BEST3: variants seen among roughly 807,000 people sequenced by gnomAD.
The protein encoded by BEST3 is bestrophin-3.
In BEST3, 50 loss-of-function variants were observed where a neutral mutation model predicts 47.1. The observed-to-expected ratio is 1.06, with a 90% CI of 0.85 to 1.34. BEST3 has a LOEUF of 1.34. Among genes scored for constraint, BEST3 ranks in the 40% most tolerant of loss-of-function variants. The probability of loss-of-function intolerance (pLI) is 0.00; values close to 1 mark genes in which losing one functional copy is unlikely to be tolerated. For synonymous variants in BEST3, 282 were observed against 298.8 expected (o/e 0.94, Z 0.58); for missense variants, 765 against 817.0 (o/e 0.94, Z 0.78).
chr12:69,662,567 T>C (rs1220615501), intron 9 of BEST3, among the ~76,000 whole-genome samples: 2 of 152,222 alleles, frequency 1.3e-5, no homozygotes, highest in Non-Finnish European at 2.9e-5. Flanking sequence ...AAAATCATGT[T>C]ACATATTCGT....
At chr12:69,673,045 C>T in intron 7 of BEST3, 80 bp from the exon 8 acceptor site, 2 of 1,094,936 alleles carry the variant, frequency 1.8e-6, no homozygotes, top group South Asian at 1.4e-5. Context: ...TTCCTGTTTT[C>T]CTCTCTGCTT....
At chr12:69,675,269 G>A (rs7136761) in intron 7 of BEST3, among the ~76,000 whole-genome samples, 2,905 of 152,040 alleles carry the variant, frequency 0.019, 45 homozygotes, top group South Asian at 0.052. Context: ...GCAGGCATGC[G>A]CCACCATGCC....
Position 69,654,734 on chromosome 12 carries a change from G to T in BEST3, c.*173C>A. On this transcript the variant is annotated 3_prime_UTR_variant, in exon 10 of 10. Coordinates refer to ENST00000330891, the MANE Select transcript of BEST3 (RefSeq NM_032735.3). ...ATGACGTGAATGCGTTTGATTTTTCGCAGCTCTCAAAAAGTCAGGATCATA... is the reference window on the plus strand; with the variant it reads ...ATGACGTGAATGCGTTTGATTTTTCTCAGCTCTCAAAAAGTCAGGATCATA... 1 of 1,341,780 alleles carries T rather than the reference G, an allele frequency of 7.5e-7. No homozygotes were observed. Among genetic ancestry groups the T allele is most frequent in the Non-Finnish European group, 9.5e-7 (1 of 1,047,326 alleles). The allele number at this position is 1,341,780 out of a possible 1,614,324, so 83.1% of individuals were successfully genotyped here.
chr12:69,692,438 A>G (rs923368440), intron 4 of BEST3, among the ~76,000 whole-genome samples: 2 of 152,236 alleles, frequency 1.3e-5, no homozygotes, highest in African/African-American at 2.4e-5. Flanking sequence ...TCATCCTTTA[A>G]CTATCTACAT....
chr12:69,671,346 C>CTTT, intron 9 of BEST3, 82 bp downstream of exon 9: 3 of 1,077,150 alleles, frequency 2.8e-6, no homozygotes, highest in East Asian at 3.0e-5. Context: ...TATTTTATTT[C>CTTT]TTTTTTTTTT....
At chr12:69,675,827 A>C (rs1352931040) in intron 7 of BEST3, among the ~76,000 whole-genome samples, 2 of 152,228 alleles carry the variant, frequency 1.3e-5, no homozygotes, top group Non-Finnish European at 2.9e-5. Flanking sequence ...AGTCAAACCA[A>C]TGAAAGGAAA....
Position 69,654,798 on chromosome 12 carries a change from C to T in BEST3, c.*109G>A. 1.4e-6 allele frequency: 2 copies of T among 1,473,760 alleles called. No individual in the cohort carries two copies. Among genetic ancestry groups the T allele is most frequent in the Non-Finnish European group, 1.8e-6 (2 of 1,112,120 alleles). 91.3% of individuals were successfully genotyped at this position (1,473,760 alleles called of 1,614,324 possible). ...TTCTAAGTAGCTTATACAGTGTGAT[C>T]ATGTTTTTTAAAAAGTCGACCAGCC... is the stretch of plus-strand genomic sequence containing the variant. On this transcript the variant is annotated 3_prime_UTR_variant, in exon 10 of 10. Coordinates refer to ENST00000330891, the MANE Select transcript of BEST3 (RefSeq NM_032735.3).
chr12:69,686,779 C>CGAAAAAAAAAAAAAACA (rs1555208517), intron 4 of BEST3, among the ~76,000 whole-genome samples: 1 of 99,382 alleles, frequency 1.0e-5, no homozygotes. Context: ...CTCAAAAAAA[C>CGAAAAAAAAAAAAAACA]AAAAAAAAAA....
chr12:69,656,922 G>C (rs962039132), intron 9 of BEST3, among the ~76,000 whole-genome samples: 1 of 151,934 alleles, frequency 6.6e-6, no homozygotes, highest in Non-Finnish European at 1.5e-5. Flanking sequence ...TGTACAATTA[G>C]GGTTAAAAAA....
intron 4 of BEST3, among the ~76,000 whole-genome samples, chr12:69,692,672 T>C (rs535306989): frequency 6.6e-6 from 1 of 152,366 alleles, no homozygotes; most frequent in Admixed American, 6.5e-5. Flanking sequence ...TTCTACCTTT[T>C]TCATGTTTTC....
chr12:69,664,442 G>C (rs752479783), intron 9 of BEST3, among the ~76,000 whole-genome samples: 1 of 152,010 alleles, frequency 6.6e-6, no homozygotes, highest in East Asian at 1.9e-4. Flanking sequence ...CCCGCCACCC[G>C]GGGCCAGTTC....
At chr12:69,656,358 T>C (rs1462518251) in intron 9 of BEST3, among the ~76,000 whole-genome samples, 2 of 118,370 alleles carry the variant, frequency 1.7e-5, no homozygotes, top group Non-Finnish European at 3.6e-5. Context: ...TATATCTATA[T>C]CTATGAATCT....
chr12:69,691,612 T>C (rs1424613094), intron 4 of BEST3, among the ~76,000 whole-genome samples: 2 of 152,058 alleles, frequency 1.3e-5, no homozygotes, highest in South Asian at 2.1e-4. Flanking sequence ...GCCAACATGG[T>C]GAAACCCTGT....
intron 5 of BEST3, 94 bp from the exon 6 acceptor site, chr12:69,677,351 G>GTCAGTCCTGTAAAA: frequency 4.4e-6 from 5 of 1,125,034 alleles, no homozygotes; most frequent in Non-Finnish European, 5.3e-6. Context: ...GTCTTTTACA[G>GTCAGTCCTGTAAAA]GACTGACTGT....
At chr12:69,680,570 T>C (rs942900760) in intron 4 of BEST3, among the ~76,000 whole-genome samples, 2 of 152,092 alleles carry the variant, frequency 1.3e-5, no homozygotes, top group African/African-American at 2.4e-5. Context: ...GCCTCCCAAA[T>C]TGCTGGGATT....
chr12:69,676,421 A>G (rs984283427), intron 7 of BEST3, among the ~76,000 whole-genome samples: 1 of 147,260 alleles, frequency 6.8e-6, no homozygotes, highest in Non-Finnish European at 1.5e-5. Context: ...AGGGAAAGTA[A>G]AAAAAAAAAA....
intron 9 of BEST3, among the ~76,000 whole-genome samples, chr12:69,648,047 A>G (rs556131956): frequency 6.6e-6 from 1 of 152,274 alleles, no homozygotes; most frequent in Non-Finnish European, 1.5e-5. Flanking sequence ...TTAAACAACA[A>G]TTAGGCATCC....
At chr12:69,652,504 C>G (rs923658127), downstream of BEST3, among the ~76,000 whole-genome samples, 1 of 152,018 alleles carries the variant, frequency 6.6e-6, no homozygotes, top group Admixed American at 6.6e-5. Flanking sequence ...TTCAACCACA[C>G]GGGCTCATTG....
chr12:69,646,447 A>AT (rs35065392), intron 9 of BEST3, among the ~76,000 whole-genome samples: 16,123 of 148,180 alleles, frequency 0.11, 1,103 homozygotes, highest in Middle Eastern at 0.17. Context: ...CATGCACCTA[A>AT]TTTTTTTTTT....
Sources: gnomAD v4.1 joint callset for allele counts (sites outside exome capture counted in the v4.1 genomes callset) on GRCh38, gnomAD v4.1.1 for gene constraint, MANE v1.5 for transcripts, NCBI Gene and HGNC (gene_info 2026-07-23, HGNC 2026-07-21) for gene names.